The following DPP10 variants were observed in gnomAD, a reference collection of about 807,000 sequenced individuals.
The protein encoded by DPP10 is dipeptidyl peptidase like 10, also known as inactive dipeptidyl peptidase 10.
A neutral mutation model predicts 120.9 loss-of-function variants in DPP10; 33 were observed. The ratio of observed to expected loss-of-function variants is 0.27; its 90% CI spans 0.21 to 0.37. DPP10 has a LOEUF of 0.37. DPP10 is among the 10% of genes least tolerant of loss of function. The pLI, the probability that DPP10 is intolerant of heterozygous loss-of-function variation, is 1.00. For synonymous variants in DPP10, 337 were observed against 326.1 expected, an observed-to-expected ratio of 1.03 and a Z score of -0.36; for missense variants, 816 against 942.8, an observed-to-expected ratio of 0.87 and a Z score of 1.76.
intron 3 of DPP10, among the ~76,000 whole-genome samples, chr2:115,465,930 C>T (rs2074299085): frequency 6.6e-6 from 1 of 151,960 alleles, no homozygotes; most frequent in Admixed American, 6.6e-5. Flanking sequence ...CTATCGTTTC[C>T]CAAGTGAATT....
intron 1 of DPP10, among the ~76,000 whole-genome samples, chr2:114,663,671 A>ATATATATATG (rs1341152871): frequency 9.3e-5 from 13 of 139,914 alleles, no homozygotes; most frequent in African/African-American, 3.5e-4. Flanking sequence ...ATATATATAG[A>ATATATATATG]GAGAGAGAGA....
chr2:114,713,995 GA>G (rs963743298), intron 1 of DPP10, among the ~76,000 whole-genome samples: 3 of 148,846 alleles, frequency 2.0e-5, no homozygotes, highest in Non-Finnish European at 3.0e-5. Flanking sequence ...AAAAAAAAAA[GA>G]AAAAAATAAA....
chr2:114,761,817 C>T (rs568201797), intron 1 of DPP10, among the ~76,000 whole-genome samples: 65 of 152,270 alleles, frequency 4.3e-4, no homozygotes, highest in African/African-American at 1.4e-3. Flanking sequence ...GACAATCCTC[C>T]TCCTAGGAAT....
intron 1 of DPP10, among the ~76,000 whole-genome samples, chr2:114,603,922 A>G (rs1272250467): frequency 6.6e-6 from 1 of 152,096 alleles, no homozygotes; most frequent in Non-Finnish European, 1.5e-5. Context: ...ATATAGCTAC[A>G]ATTTGTTACA....
chr2:115,015,828 C>G lies in DPP10; in HGVS notation c.61-293411C>G, dbSNP rs1312332924. ...GACCTCTTCAAAGAAAACTACAAAC[C>G]ATTGCTCAAGGAAATAAGAGAGGAC... On this transcript the variant is annotated intron_variant, in intron 1 of 25. Transcript: ENST00000410059. Among the ~76,000 whole-genome samples the G allele has an allele frequency of 2.0e-5, 3 of 152,096 alleles. No homozygotes were observed. The East Asian group carries it at 5.8e-4, about 29-fold the overall frequency.
At chr2:115,603,487 G>A (rs942318791) in intron 5 of DPP10, among the ~76,000 whole-genome samples, 15 of 151,488 alleles carry the variant, frequency 9.9e-5, no homozygotes, top group Non-Finnish European at 2.2e-4. Flanking sequence ...CTCAGGCCCT[G>A]GTGTAACGTT....
chr2:115,539,655 T>G (rs2079064321), intron 5 of DPP10, among the ~76,000 whole-genome samples: 1 of 151,968 alleles, frequency 6.6e-6, no homozygotes, highest in South Asian at 2.1e-4. Flanking sequence ...TTTGAAATGT[T>G]GCAGCTTATA....
intron 1 of DPP10, among the ~76,000 whole-genome samples, chr2:114,644,597 A>G (rs560506231): frequency 2.0e-5 from 3 of 151,744 alleles, no homozygotes; most frequent in Non-Finnish European, 2.9e-5. Context: ...TGGAATCACC[A>G]TTTTTTAAAA....
chr2:114,562,568 C>A (rs1236467706), intron 1 of DPP10, among the ~76,000 whole-genome samples: 1 of 152,186 alleles, frequency 6.6e-6, no homozygotes, highest in Non-Finnish European at 1.5e-5. Flanking sequence ...TAGATCATTT[C>A]TGAATCACTC....
At chr2:114,561,641 T>C (rs1688774528) in intron 1 of DPP10, among the ~76,000 whole-genome samples, 1 of 152,158 alleles carries the variant, frequency 6.6e-6, no homozygotes, top group South Asian at 2.1e-4. Context: ...TAGTCATCAG[T>C]TGGGAGACAG....
chr2:115,568,600 G>T (rs1575201874), intron 5 of DPP10, among the ~76,000 whole-genome samples: 1 of 151,154 alleles, frequency 6.6e-6, no homozygotes, highest in East Asian at 1.9e-4. Flanking sequence ...TATTTTTGGG[G>T]GTGATTTTGT....
intron 1 of DPP10, among the ~76,000 whole-genome samples, chr2:114,974,754 C>T (rs1699640936): frequency 6.6e-6 from 1 of 151,948 alleles, no homozygotes; most frequent in Non-Finnish European, 1.5e-5. Context: ...TATACACCTT[C>T]AAGGTTTGTG....
At chr2:115,354,021 A>G (rs11674301) in intron 3 of DPP10, among the ~76,000 whole-genome samples, 69,104 of 152,028 alleles carry the variant, frequency 0.45, 16,691 homozygotes, top group Non-Finnish European at 0.55. Context: ...TTTTATTGGA[A>G]TGTTTAGATA....
At chr2:115,416,225 T>C (rs2069417553) in intron 3 of DPP10, among the ~76,000 whole-genome samples, 1 of 152,156 alleles carries the variant, frequency 6.6e-6, no homozygotes, top group South Asian at 2.1e-4. Flanking sequence ...CACAGGTAAG[T>C]AACAAGGTAG....
At chr2:114,834,615 A>ACGCACCTATGTATATATAT (rs1168031483) in intron 1 of DPP10, among the ~76,000 whole-genome samples, 1 of 132,820 alleles carries the variant, frequency 7.5e-6, no homozygotes, top group Admixed American at 7.4e-5. Context: ...AGCCATATCT[A>ACGCACCTATGTATATATAT]AGCACCTATG....
chr2:115,228,120 G>T (rs931671615), intron 1 of DPP10, among the ~76,000 whole-genome samples: 17 of 151,470 alleles, frequency 1.1e-4, no homozygotes, highest in African/African-American at 3.4e-4. Context: ...TATATTTTTT[G>T]TTGTTGTTGT....
At chr2:115,637,668 A>G (rs189173823) in intron 5 of DPP10, among the ~76,000 whole-genome samples, 66 of 152,328 alleles carry the variant, frequency 4.3e-4, no homozygotes, top group African/African-American at 1.5e-3. Context: ...TATTGAATTT[A>G]TGAGTGAGCC....
At chr2:115,454,783 T>C (rs2073392006) in intron 3 of DPP10, among the ~76,000 whole-genome samples, 1 of 151,632 alleles carries the variant, frequency 6.6e-6, no homozygotes. Flanking sequence ...AAATGTACAA[T>C]TATTTTACTT....
intron 1 of DPP10, among the ~76,000 whole-genome samples, chr2:115,013,120 C>T (rs1490969223): frequency 1.3e-5 from 2 of 152,124 alleles, no homozygotes; most frequent in Non-Finnish European, 2.9e-5. Flanking sequence ...TATGTTTTTA[C>T]AGTGGCTGAT....
Sources: allele counts gnomAD v4.1 joint callset (sites outside exome capture counted in the v4.1 genomes callset), GRCh38; gene constraint gnomAD v4.1.1; transcripts MANE v1.5; gene names NCBI Gene and HGNC (gene_info 2026-07-23, HGNC 2026-07-21).